Variants in NMNAT3 observed in about 807,000 individuals in gnomAD.
NMNAT3 encodes nicotinamide/nicotinic acid mononucleotide adenylyltransferase 3.
Under a neutral mutation model 24.8 loss-of-function variants are expected in NMNAT3, and 21 were observed. The observed-to-expected ratio is 0.85, with a 90% confidence interval of 0.60 to 1.22. The LOEUF (loss-of-function observed/expected upper bound fraction) is 1.22. NMNAT3 is among the 50% of genes most tolerant of loss of function. The pLI, the probability that NMNAT3 is intolerant of heterozygous loss-of-function variation, is 0.00. For missense variants in NMNAT3, 387 were observed against 436.6 expected (o/e 0.89, Z 1.01); for synonymous variants, 136 against 155.2 (o/e 0.88, Z 0.92).
In NMNAT3 at chr3:139,583,061, C is replaced by T. The variant is rs528456325; in HGVS notation, c.257G>A (p.Arg86His). The T allele has an allele frequency of 1.7e-5, 28 of 1,606,674 alleles. No individual in the cohort carries two copies. Among genetic ancestry groups the T allele is most frequent in the Middle Eastern group, 1.6e-4 (1 of 6,062 alleles). ...GAACGCTTGTTCTTCAGTTCTTTTG[C>T]GTTTAAAAGATGACTTGTCAGGGTC... Residue 86 changes from arginine (R) to histidine (H), a missense_variant, in exon 4 of 7, where the codon CGC becomes CAC. Coordinates refer to ENST00000643695, the MANE Select transcript of NMNAT3 (RefSeq NM_001320510.2).
At chr3:139,639,385 CTT>C (rs1428439353) in intron 1 of NMNAT3, among the ~76,000 whole-genome samples, 1 of 152,180 alleles carries the variant, frequency 6.6e-6, no homozygotes, top group African/African-American at 2.4e-5. Context: ...TTGTTCTGGA[CTT>C]TCTTTCACAG....
At chr3:139,654,122 C>T (rs1350860967) in intron 1 of NMNAT3, among the ~76,000 whole-genome samples, 1 of 152,174 alleles carries the variant, frequency 6.6e-6, no homozygotes, top group African/African-American at 2.4e-5. Flanking sequence ...GCACTTAGCT[C>T]CCCTTTACTT....
intron 3 of NMNAT3, among the ~76,000 whole-genome samples, chr3:139,600,344 A>T (rs1161866665): frequency 2.7e-5 from 4 of 145,834 alleles, no homozygotes; most frequent in Non-Finnish European, 6.0e-5. Flanking sequence ...TTGCTCTTGT[A>T]GCACTGGCTA....
intron 3 of NMNAT3, among the ~76,000 whole-genome samples, chr3:139,604,792 T>C (rs1166047270): frequency 3.3e-5 from 5 of 152,222 alleles, no homozygotes; most frequent in African/African-American, 1.2e-4. Flanking sequence ...GTTGATTATA[T>C]GCAATTTATC....
At chr3:139,675,164 G>A (rs1021967037) in intron 1 of NMNAT3, among the ~76,000 whole-genome samples, 9 of 40,786 alleles carry the variant, frequency 2.2e-4, no homozygotes, top group East Asian at 9.4e-4. Context: ...ACACACACAC[G>A]TGCACATATA....
intron 1 of NMNAT3, among the ~76,000 whole-genome samples, chr3:139,665,187 G>A (rs915754242): frequency 6.6e-6 from 1 of 152,134 alleles, no homozygotes; most frequent in Non-Finnish European, 1.5e-5. Flanking sequence ...CCCTGTACAC[G>A]AAGCCAGGCC....
At chr3:139,626,012 G>C (rs149353651) in intron 3 of NMNAT3, among the ~76,000 whole-genome samples, 36 of 152,238 alleles carry the variant, frequency 2.4e-4, no homozygotes, top group African/African-American at 8.4e-4. Flanking sequence ...GTAACAAGAT[G>C]TCTGCTGTCA....
At chr3:139,575,921 A>G in intron 5 of NMNAT3, 1 of 1,287,638 alleles carries the variant, frequency 7.8e-7, no homozygotes, top group Non-Finnish European at 1.0e-6. Context: ...TCAGAGCTCC[A>G]CAGATGGGAG....
intron 3 of NMNAT3, among the ~76,000 whole-genome samples, chr3:139,595,000 T>G (rs1240863809): frequency 6.6e-6 from 1 of 152,068 alleles, no homozygotes; most frequent in African/African-American, 2.4e-5. Context: ...GGTATTCAAT[T>G]AGGAAAAGAG....
chr3:139,577,878 A>G (rs1000919809), intron 5 of NMNAT3: 1 of 152,266 alleles, frequency 6.6e-6, no homozygotes, highest in Non-Finnish European at 1.5e-5. Context: ...GGATATAAAA[A>G]CTAAATGATT....
intron 3 of NMNAT3, among the ~76,000 whole-genome samples, chr3:139,588,267 T>C (rs989303716): frequency 6.6e-6 from 1 of 152,178 alleles, no homozygotes; most frequent in Non-Finnish European, 1.5e-5. Context: ...CCCATGACAC[T>C]GAGCGCTCCT....
intron 1 of NMNAT3, among the ~76,000 whole-genome samples, chr3:139,648,480 G>A (rs565786136): frequency 2.0e-5 from 3 of 152,340 alleles, no homozygotes; most frequent in Admixed American, 2.0e-4. Flanking sequence ...AGAAAAAAAT[G>A]CTTAGTTCTT....
At chr3:139,671,670 T>C (rs1227310199) in intron 1 of NMNAT3, among the ~76,000 whole-genome samples, 2 of 152,050 alleles carry the variant, frequency 1.3e-5, no homozygotes, top group Non-Finnish European at 2.9e-5. Context: ...CGGCACCATA[T>C]AAGTTACATA....
chr3:139,575,910 T>A, intron 5 of NMNAT3: 1 of 1,286,050 alleles, frequency 7.8e-7, no homozygotes, highest in South Asian at 1.2e-5. Flanking sequence ...TAAGCATGGC[T>A]TCAGAGCTCC....
intron 3 of NMNAT3, among the ~76,000 whole-genome samples, chr3:139,615,464 C>CATCT (rs2055450886): frequency 1.9e-5 from 2 of 106,828 alleles, no homozygotes; most frequent in Non-Finnish European, 3.9e-5. Flanking sequence ...TCTATCTATC[C>CATCT]ATCCACCCAC....
chr3:139,645,116 C>A (rs916980396), intron 1 of NMNAT3, among the ~76,000 whole-genome samples: 2 of 152,092 alleles, frequency 1.3e-5, no homozygotes, highest in Non-Finnish European at 2.9e-5. Flanking sequence ...GCAGGAGAAT[C>A]GCTTGAACCT....
At chr3:139,613,053 C>T (rs1387050218) in intron 3 of NMNAT3, among the ~76,000 whole-genome samples, 1 of 152,152 alleles carries the variant, frequency 6.6e-6, no homozygotes, top group African/African-American at 2.4e-5. Flanking sequence ...CTAGGCAATA[C>T]CATACAGGAC....
chr3:139,600,626 T>C (rs1249618976), intron 3 of NMNAT3, among the ~76,000 whole-genome samples: 1 of 152,170 alleles, frequency 6.6e-6, no homozygotes, highest in African/African-American at 2.4e-5. Flanking sequence ...CTCCTGGCTT[T>C]TTCAATCCAG....
At chr3:139,634,718 A>C (rs1043883999) in intron 2 of NMNAT3, 71 bp from the exon 3 acceptor site, 2 of 151,988 alleles carry the variant, frequency 1.3e-5, no homozygotes, top group Admixed American at 1.3e-4. Context: ...CAGGCAGCCC[A>C]CTCTTTAGTT....
Sources: gnomAD v4.1 joint callset for allele counts (sites outside exome capture counted in the v4.1 genomes callset) on GRCh38, gnomAD v4.1.1 for gene constraint, MANE v1.5 for transcripts, NCBI Gene and HGNC (gene_info 2026-07-23, HGNC 2026-07-21) for gene names.